RBFOX2: variants seen among roughly 807,000 people sequenced by gnomAD.
RBFOX2 encodes the protein RNA binding fox-1 homolog 2.
RBFOX2 carries 10 observed loss-of-function variants against 49.1 expected under a neutral mutation model. The ratio of observed to expected loss-of-function variants is 0.20; its 90% CI spans 0.13 to 0.35. The LOEUF (loss-of-function observed/expected upper bound fraction) is 0.35, where lower values mean the gene tolerates loss of function less well. Among genes scored for constraint, RBFOX2 ranks in the 10% least tolerant of loss-of-function variants. RBFOX2 has a pLI of 1.00. For synonymous variants in RBFOX2, 183 were observed against 187.4 expected, an observed-to-expected ratio of 0.98 and a Z score of 0.19; for missense variants, 323 against 486.9, an observed-to-expected ratio of 0.66 and a Z score of 3.17.
intron 1 of RBFOX2, among the ~76,000 whole-genome samples, chr22:35,930,600 C>A (rs1417040025): frequency 6.6e-6 from 1 of 151,840 alleles, no homozygotes; most frequent in African/African-American, 2.4e-5. Flanking sequence ...GAGGCTGAAG[C>A]AGGCGGATCA....
intron 1 of RBFOX2, among the ~76,000 whole-genome samples, chr22:35,865,372 G>C (rs1324560151): frequency 1.3e-5 from 2 of 152,078 alleles, no homozygotes; most frequent in Non-Finnish European, 2.9e-5. Context: ...GGTAACACCA[G>C]GCCTATAGCA....
chr22:35,933,744 C>G (rs1417010882), intron 1 of RBFOX2, among the ~76,000 whole-genome samples: 1 of 151,846 alleles, frequency 6.6e-6, no homozygotes, highest in Non-Finnish European at 1.5e-5. Context: ...GTTCCCAAGT[C>G]TAATAAAGGG....
At chr22:35,818,596 C>A (rs1406580254) in intron 1 of RBFOX2, among the ~76,000 whole-genome samples, 1 of 152,006 alleles carries the variant, frequency 6.6e-6, no homozygotes, top group African/African-American at 2.4e-5. Context: ...CCAGCCTGGG[C>A]AACATAGCGA....
intron 1 of RBFOX2, among the ~76,000 whole-genome samples, chr22:35,955,074 A>C (rs1450127839): frequency 6.6e-6 from 1 of 152,230 alleles, no homozygotes; most frequent in Non-Finnish European, 1.5e-5. Flanking sequence ...TTCACAATGT[A>C]ATCCTCTAAC....
At chr22:35,788,943 A>C (rs1277139884) in intron 2 of RBFOX2, among the ~76,000 whole-genome samples, 1 of 151,992 alleles carries the variant, frequency 6.6e-6, no homozygotes, top group Non-Finnish European at 1.5e-5. Context: ...CCGGTCCTCT[A>C]ATTTTCACAT....
At chr22:35,922,224 C>T (rs2051107451) in intron 1 of RBFOX2, among the ~76,000 whole-genome samples, 1 of 152,140 alleles carries the variant, frequency 6.6e-6, no homozygotes, top group South Asian at 2.1e-4. Context: ...AGTATTCACA[C>T]AGAGGGAATA....
At chr22:35,853,011 T>C (rs1002984743) in intron 1 of RBFOX2, among the ~76,000 whole-genome samples, 7 of 151,986 alleles carry the variant, frequency 4.6e-5, no homozygotes, top group African/African-American at 1.2e-4. Context: ...ATGAAAAAAA[T>C]TGCCAGGCAC....
chr22:35,747,219 T>C (rs977640735), intron 9 of RBFOX2: 2 of 152,218 alleles, frequency 1.3e-5, no homozygotes, highest in Non-Finnish European at 1.5e-5. Flanking sequence ...AAGCCAAAAA[T>C]ATTTACCACT....
intron 9 of RBFOX2, among the ~76,000 whole-genome samples, chr22:35,758,088 A>C (rs1474383029): frequency 6.6e-6 from 1 of 152,212 alleles, no homozygotes; most frequent in East Asian, 1.9e-4. Context: ...TAGTTTACTA[A>C]GCTGAAAAGC....
At chr22:35,744,715 G>A (rs1212302111) in intron 11 of RBFOX2, among the ~76,000 whole-genome samples, 1 of 152,202 alleles carries the variant, frequency 6.6e-6, no homozygotes, top group Non-Finnish European at 1.5e-5. Flanking sequence ...GCCCATGTTT[G>A]AGATGGTGCC....
At chr22:35,857,024 T>G (rs1221527441) in intron 1 of RBFOX2, among the ~76,000 whole-genome samples, 2 of 152,144 alleles carry the variant, frequency 1.3e-5, no homozygotes, top group South Asian at 4.1e-4. Flanking sequence ...AGAGCGAGAC[T>G]CCGTCTCCAA....
chr22:35,960,329 C>T (rs1279914978), intron 1 of RBFOX2, among the ~76,000 whole-genome samples: 1 of 152,162 alleles, frequency 6.6e-6, no homozygotes, highest in African/African-American at 2.4e-5. Context: ...GAAGCCAACG[C>T]ACCAAGAGAC....
chr22:35,751,606 T>C (rs1035613481), intron 9 of RBFOX2, among the ~76,000 whole-genome samples: 5 of 152,156 alleles, frequency 3.3e-5, no homozygotes, highest in Non-Finnish European at 7.3e-5. Flanking sequence ...CTAGGAGATA[T>C]TATAGAGTTC....
intron 2 of RBFOX2, among the ~76,000 whole-genome samples, chr22:35,795,978 T>C (rs1200927201): frequency 6.6e-6 from 1 of 152,134 alleles, no homozygotes; most frequent in Non-Finnish European, 1.5e-5. Context: ...ACATACAATC[T>C]TGTCAACTTA....
chr22:35,876,797 T>C (rs551463561), intron 1 of RBFOX2, among the ~76,000 whole-genome samples: 2 of 151,892 alleles, frequency 1.3e-5, no homozygotes, highest in South Asian at 4.2e-4. Flanking sequence ...CTAGTAATCA[T>C]GGGGAAAACG....
chr22:35,976,548 T>C (rs2057164015), intron 1 of RBFOX2, among the ~76,000 whole-genome samples: 1 of 152,078 alleles, frequency 6.6e-6, no homozygotes, highest in African/African-American at 2.4e-5. Context: ...TTTTTATATA[T>C]GAAACAAGCC....
intron 1 of RBFOX2, chr22:35,824,275 G>A (rs899820992): frequency 6.6e-6 from 1 of 152,078 alleles, no homozygotes; most frequent in African/African-American, 2.4e-5. Context: ...AGATTTGCAA[G>A]GGTCTAACTA....
At chr22:35,773,837 G>A (rs960352324) in intron 4 of RBFOX2, among the ~76,000 whole-genome samples, 1 of 152,036 alleles carries the variant, frequency 6.6e-6, no homozygotes, top group African/African-American at 2.4e-5. Flanking sequence ...GGATGATGGT[G>A]AGTAAGATGG....
chr22:35,756,248 G>A (rs1936898515), intron 9 of RBFOX2, 104 bp from the exon 11 acceptor site: 1 of 1,038,914 alleles, frequency 9.6e-7, no homozygotes, highest in Non-Finnish European at 1.3e-6. Context: ...ACACAGGCAG[G>A]TGATGTATGA....
Sources: allele counts gnomAD v4.1 joint callset (sites outside exome capture counted in the v4.1 genomes callset), GRCh38; gene constraint gnomAD v4.1.1; transcripts MANE v1.5; gene names NCBI Gene and HGNC (gene_info 2026-07-23, HGNC 2026-07-21).